Variants in METTL25 observed in about 807,000 individuals in gnomAD.
METTL25 encodes the protein methyltransferase like 25, also known as probable methyltransferase-like protein 25.
Under a neutral mutation model 71.6 loss-of-function variants are expected in METTL25, and 64 were observed. The ratio of observed to expected loss-of-function variants is 0.89; its 90% CI spans 0.73 to 1.10. The LOEUF is 1.10. METTL25 is among the 50% of genes least tolerant of loss of function. The pLI, the probability that METTL25 is intolerant of heterozygous loss-of-function variation, is 0.00. For synonymous variants in METTL25, 287 were observed against 250.3 expected, an observed-to-expected ratio of 1.15 and a Z score of -1.38; for missense variants, 807 against 707.0, an observed-to-expected ratio of 1.14 and a Z score of -1.60.
chr12:82,417,699 C>G (rs1301619750), intron 5 of METTL25, among the ~76,000 whole-genome samples: 1 of 152,054 alleles, frequency 6.6e-6, no homozygotes, highest in Non-Finnish European at 1.5e-5. Context: ...TGTGATTTAC[C>G]TCCTAGTAGG....
At chr12:82,451,012 T>G (rs576266957) in intron 8 of METTL25, among the ~76,000 whole-genome samples, 49 of 152,278 alleles carry the variant, frequency 3.2e-4, no homozygotes, top group African/African-American at 9.6e-4. Context: ...TTTGTGTTGT[T>G]GATCATCTCC....
chr12:82,460,239 G>A (rs921325749), intron 9 of METTL25, among the ~76,000 whole-genome samples: 1 of 152,106 alleles, frequency 6.6e-6, no homozygotes, highest in African/African-American at 2.4e-5. Flanking sequence ...TAGATTTACT[G>A]TAAAAAACAA....
intron 5 of METTL25, among the ~76,000 whole-genome samples, chr12:82,412,629 A>T (rs888629051): frequency 6.6e-6 from 1 of 152,124 alleles, no homozygotes; most frequent in Non-Finnish European, 1.5e-5. Flanking sequence ...GAATTTGCTC[A>T]TTTAAGCTGC....
intron 9 of METTL25, among the ~76,000 whole-genome samples, chr12:82,465,541 A>G (rs1892174238): frequency 6.6e-6 from 1 of 151,846 alleles, no homozygotes; most frequent in African/African-American, 2.4e-5. Flanking sequence ...GTTTGTCAGA[A>G]GTATTGGCCT....
At chr12:82,425,475 T>A (rs1341428217) in intron 5 of METTL25, among the ~76,000 whole-genome samples, 2 of 151,934 alleles carry the variant, frequency 1.3e-5, no homozygotes, top group East Asian at 3.9e-4. Context: ...TAAGAAAGAA[T>A]GGCATTATGG....
intron 1 of METTL25, among the ~76,000 whole-genome samples, chr12:82,377,740 G>A (rs756958933): frequency 6.6e-6 from 1 of 151,992 alleles, no homozygotes; most frequent in Non-Finnish European, 1.5e-5. Context: ...TGAGATGAAG[G>A]GTAAGGAAAC....
intron 10 of METTL25, among the ~76,000 whole-genome samples, chr12:82,476,927 T>C (rs1892911944): frequency 6.6e-6 from 1 of 151,846 alleles, no homozygotes; most frequent in Non-Finnish European, 1.5e-5. Context: ...AAAAGTATTA[T>C]AAATGCACAA....
chr12:82,379,635 A>G (rs1057496681), intron 1 of METTL25, among the ~76,000 whole-genome samples: 2 of 152,204 alleles, frequency 1.3e-5, no homozygotes, highest in Non-Finnish European at 2.9e-5. Context: ...AATTATATCT[A>G]CCATATTTCA....
chr12:82,369,368 A>T (rs559784531), intron 1 of METTL25: 1 of 387,660 alleles, frequency 2.6e-6, no homozygotes, highest in Non-Finnish European at 5.1e-6. Context: ...TTGTGTCCGG[A>T]ATTGTTTGTT....
chr12:82,398,795 G>A lies in METTL25; in HGVS notation c.532G>A (p.Val178Met), dbSNP rs1279624236. ...ATTTATTCTTTTTTTCTAATCTTAG[G>A]TGATTGACTTGGGTTCCGGTAAAGG... ...SIADYYGIKQ[V>M]IDLGSGKGYL... Residue 178 changes from valine (V) to methionine (M), a missense_variant and splice_region_variant, in exon 4 of 12, where the codon GTG (valine) becomes ATG (methionine). By Grantham distance (21) the Val-to-Met change is conservative (BLOSUM62 1). Transcript: ENST00000248306. 1.3e-6 allele frequency: 2 copies of A among 1,506,644 alleles called. No homozygotes were observed. The highest frequency in any genetic ancestry group is 2.8e-5 in the African/African-American group (2 of 70,856). 93.3% of individuals were successfully genotyped at this position (1,506,644 alleles called of 1,614,324 possible). A position where few individuals can be genotyped will look rare whatever the true frequency, so the allele number is the denominator to read the frequency against.
At chr12:82,424,377 G>T (rs1278222225) in intron 5 of METTL25, among the ~76,000 whole-genome samples, 1 of 151,988 alleles carries the variant, frequency 6.6e-6, no homozygotes, top group Non-Finnish European at 1.5e-5. Context: ...CACACCCCGG[G>T]GCCTGTTGTG....
At chr12:82,421,222 G>A (rs1322371435) in intron 5 of METTL25, among the ~76,000 whole-genome samples, 1 of 152,094 alleles carries the variant, frequency 6.6e-6, no homozygotes, top group African/African-American at 2.4e-5. Flanking sequence ...GGAATACAAG[G>A]GAGCAAGAGT....
chr12:82,421,046 C>T (rs1325157632), intron 5 of METTL25, among the ~76,000 whole-genome samples: 1 of 151,926 alleles, frequency 6.6e-6, no homozygotes, highest in Non-Finnish European at 1.5e-5. Context: ...ATTTTTAGTA[C>T]AGACGGGGTT....
In METTL25 at chr12:82,358,751, G is replaced by A. The variant is rs1881323448; in HGVS notation, c.186G>A (p.Leu62=). 1.2e-6 allele frequency: 2 copies of A among 1,614,100 alleles called. No individual in the cohort carries two copies. The highest frequency in any genetic ancestry group is 1.3e-5 in the African/African-American group (1 of 75,060). The part of the protein sequence containing the change: ...DLPPETVLAA[L]RKSASETEAL... Reference sequence around the variant, plus strand: ...CACCGGAGACAGTGCTGGCTGCGCTGAGGAAGTCAGCGTCGGAGACGGAGG... The same window carrying A: ...CACCGGAGACAGTGCTGGCTGCGCTAAGGAAGTCAGCGTCGGAGACGGAGG... The change falls in exon 1 of 12, where the codon CTG becomes CTA. Residue 62 remains leucine (L), a synonymous_variant. Transcript: ENST00000248306.
At chr12:82,419,923 C>G (rs1888331293) in intron 5 of METTL25, among the ~76,000 whole-genome samples, 1 of 152,078 alleles carries the variant, frequency 6.6e-6, no homozygotes, top group Non-Finnish European at 1.5e-5. Flanking sequence ...GTATTTATGA[C>G]AGCATTATTC....
chr12:82,413,927 C>T (rs1322880989), intron 5 of METTL25, among the ~76,000 whole-genome samples: 1 of 151,348 alleles, frequency 6.6e-6, no homozygotes, highest in African/African-American at 2.4e-5. Context: ...TTGTTTCTCC[C>T]AGTTTTATAT....
At chr12:82,369,515 G>T (rs1363382022) in intron 1 of METTL25, 1 of 448,428 alleles carries the variant, frequency 2.2e-6, no homozygotes, top group South Asian at 1.6e-5. Context: ...CTTCTGGTGG[G>T]TTCATGGTCC....
intron 1 of METTL25, among the ~76,000 whole-genome samples, chr12:82,365,399 A>G (rs544873133): frequency 1.3e-5 from 2 of 152,354 alleles, no homozygotes; most frequent in Non-Finnish European, 2.9e-5. Context: ...TCAGGTTAAA[A>G]TGTCTAAAAG....
chr12:82,467,040 A>G lies in METTL25; in HGVS notation c.1573-9604A>G, dbSNP rs1000854027. 3.3e-5 allele frequency among the ~76,000 whole-genome samples: 5 copies of G among 151,812 alleles called. No homozygotes were observed. The South Asian group carries it at 1.0e-3, about 32-fold the overall frequency. On this transcript the variant is annotated intron_variant, in intron 9 of 11. Coordinates refer to ENST00000248306, the MANE Select transcript of METTL25 (RefSeq NM_032230.3). ...GTGTGGGCTACCACATCTGGCCAGA[A>G]TATCTTTTTGTAATCCCATCACTTT...
Sources: gnomAD v4.1 joint callset for allele counts (sites outside exome capture counted in the v4.1 genomes callset) on GRCh38, gnomAD v4.1.1 for gene constraint, MANE v1.5 for transcripts, NCBI Gene and HGNC (gene_info 2026-07-23, HGNC 2026-07-21) for gene names.